Variants in UBE3B observed in about 807,000 individuals in gnomAD.
The protein encoded by UBE3B is ubiquitin-protein ligase E3B.
In UBE3B, 80 loss-of-function variants were observed where a neutral mutation model predicts 132.3. The observed-to-expected ratio is 0.60, with a 90% CI of 0.50 to 0.73. The LOEUF is 0.73. Among genes scored for constraint, UBE3B ranks in the 30% least tolerant of loss-of-function variants. The pLI is 0.00. For missense variants in UBE3B, 1,196 were observed against 1,362.5 expected (o/e 0.88, Z 1.92); for synonymous variants, 487 against 520.4 (o/e 0.94, Z 0.87).
At position 109,499,624 on chromosome 12, in the gene UBE3B, T is replaced by C; in HGVS notation, c.941-9T>C. 6.3e-7 allele frequency: 1 copy of C among 1,579,174 alleles called. No homozygotes were observed. The highest frequency in any genetic ancestry group is 8.6e-7 in the Non-Finnish European group (1 of 1,161,126). On this transcript the variant is annotated splice_polypyrimidine_tract_variant and intron_variant, in intron 11 of 27. Coordinates refer to ENST00000342494, the MANE Select transcript of UBE3B (RefSeq NM_130466.4). ...TGGGCCCATCACACTCAGCCTTCTC[T>C]CTCTGTAGGCAACCTCCTACACTTG... is the stretch of plus-strand genomic sequence containing the variant.
intron 18 of UBE3B, among the ~76,000 whole-genome samples, chr12:109,512,075 G>A (rs1361006083): frequency 1.3e-5 from 2 of 152,110 alleles, no homozygotes; most frequent in Non-Finnish European, 2.9e-5. Context: ...GTTCAGCATC[G>A]AGCAGGTAGG....
At chr12:109,508,184 A>G (rs946644742) in intron 15 of UBE3B, among the ~76,000 whole-genome samples, 4 of 152,220 alleles carry the variant, frequency 2.6e-5, no homozygotes, top group Admixed American at 6.5e-5. Flanking sequence ...TGACAATAGC[A>G]CATACCTTTT....
rs1477875145 is a variant in UBE3B, at chr12:109,497,867, A to C, written c.763A>C (p.Ile255Leu). The C allele has an allele frequency of 6.2e-7, 1 of 1,614,202 alleles. No homozygotes were observed. Among genetic ancestry groups the C allele is most frequent in the Non-Finnish European group, 8.5e-7 (1 of 1,180,034 alleles). ...FSDNLIRPFL[I>L]HIMSVPALVT... ...AGACAATCTGATTCGGCCGTTCCTC[A>C]TCCACATCATGTCTGTGCCTGCTCT... The change falls in exon 10 of 28, where the codon ATC becomes CTC. Residue 255 changes from isoleucine to leucine, a missense_variant. Ile to Leu is a conservative substitution (Grantham distance 5). Transcript: ENST00000342494.
chr12:109,501,420 G>A lies in UBE3B; in HGVS notation c.1168G>A (p.Gly390Arg), dbSNP rs780309495. 2 of 1,614,166 alleles carry A rather than the reference G, an allele frequency of 1.2e-6. No homozygotes were observed. Among genetic ancestry groups the A allele is most frequent in the African/African-American group, 1.3e-5 (1 of 75,022 alleles). Residue 390 changes from glycine (G) to arginine (R), a missense_variant, in exon 13 of 28, where the codon GGG becomes AGG. Transcript: ENST00000342494. ...LITKQLQFLW[G>R]VPLIRIFFCD... is the part of the protein sequence containing the mutation. The stretch of plus-strand genomic sequence containing the variant: ...CACCAAACAGCTGCAGTTCTTGTGG[G>A]GGGTGCCTCTGATCCGGATCTTCTT...
intron 2 of UBE3B, among the ~76,000 whole-genome samples, chr12:109,482,056 G>A (rs1412196268): frequency 6.6e-6 from 1 of 151,708 alleles, no homozygotes; most frequent in Non-Finnish European, 1.5e-5. Context: ...GTTATAAAAG[G>A]GTATTATTTT....
chr12:109,526,506 A>T, intron 24 of UBE3B, 90 bp downstream of exon 24: 1 of 1,347,648 alleles, frequency 7.4e-7, no homozygotes, highest in Non-Finnish European at 1.1e-6. Flanking sequence ...ATTAAGATAG[A>T]TTGAAGTAGA....
At chr12:109,498,465 C>T in intron 11 of UBE3B, 112 bp downstream of exon 11, 1 of 1,273,722 alleles carries the variant, frequency 7.9e-7, no homozygotes, top group Non-Finnish European at 1.1e-6. Flanking sequence ...ATTGGAAGTG[C>T]TTACAATAAA....
Position 109,534,541 on chromosome 12 carries a change from G to A in UBE3B, c.3016-50G>A, listed in dbSNP as rs529784491. On this transcript the variant is annotated intron_variant, in intron 27 of 27. Transcript: ENST00000342494. The surrounding 1 kb of genome is among the most constrained non-coding windows in gnomAD (Gnocchi z 5.2). ...CTCCCTGGCCTTGGCATCAGCCTGG[G>A]CTCCCAAACTAGGCCCTTCCCAATT... The A allele has an allele frequency of 1.5e-5, 23 of 1,554,458 alleles. No individual in the cohort carries two copies. The African/African-American group carries it at 3.2e-4, about 21-fold the overall frequency.
chr12:109,507,474 T>A, intron 14 of UBE3B, 90 bp from the exon 15 acceptor site: 1 of 1,387,726 alleles, frequency 7.2e-7, no homozygotes, highest in Non-Finnish European at 9.9e-7. Context: ...ATGGATAGGT[T>A]TAAGTGTTTT....
the UBE3B span, among the ~76,000 whole-genome samples, chr12:109,545,483 T>A: frequency 6.6e-6 from 1 of 152,200 alleles, no homozygotes; most frequent in South Asian, 2.1e-4. Flanking sequence ...TGGCATCTAG[T>A]GCTGTGCTAT....
chr12:109,528,513 T>C, intron 24 of UBE3B: 1 of 984,776 alleles, frequency 1.0e-6, no homozygotes, highest in Non-Finnish European at 1.2e-6. Flanking sequence ...TGATTTGGAA[T>C]TGGTGAGAGT....
At chr12:109,538,657 G>A (rs1010446217), downstream of UBE3B, among the ~76,000 whole-genome samples, 4 of 152,322 alleles carry the variant, frequency 2.6e-5, no homozygotes, top group Middle Eastern at 3.4e-3. The surrounding 1 kb of genome is among the most constrained non-coding windows in gnomAD (Gnocchi z 4.1). Context: ...GATCAGGCTC[G>A]GATTAAGCTT....
chr12:109,534,419 TCG>T lies in UBE3B; in HGVS notation c.3016-171_3016-170del. On this transcript the variant is annotated intron_variant, in intron 27 of 27. Coordinates refer to ENST00000342494, the MANE Select transcript of UBE3B (RefSeq NM_130466.4). The surrounding 1 kb of genome is among the most constrained non-coding windows in gnomAD (Gnocchi z 5.2). ...AAGGGGTTCCTTCTCTGGAAGCCAG[TCG>T]TCTTGTGTCTGGGGCTTGACCTCGG... 9 of 1,417,584 alleles carry T rather than the reference TCG, an allele frequency of 6.3e-6. No individual in the cohort carries two copies. Among genetic ancestry groups the T allele is most frequent in the Non-Finnish European group, 8.3e-6 (9 of 1,089,716 alleles). The allele number at this position is 1,417,584 out of a possible 1,614,324, so 87.8% of individuals were successfully genotyped here. A position where few individuals can be genotyped will look rare whatever the true frequency, so the allele number is the denominator to read the frequency against.
At chr12:109,508,587 G>C in intron 15 of UBE3B, 1 of 985,560 alleles carries the variant, frequency 1.0e-6, no homozygotes, top group Non-Finnish European at 1.2e-6. Flanking sequence ...CAGGCTGGAA[G>C]ACTTTAGCCG....
chr12:109,488,427 C>T, intron 6 of UBE3B, 145 bp from the exon 7 acceptor site: 1 of 754,064 alleles, frequency 1.3e-6, no homozygotes, highest in East Asian at 2.5e-5. Flanking sequence ...TGGTCATTGC[C>T]CAAGAGAAAA....
chr12:109,534,492 G>T lies in UBE3B; in HGVS notation c.3016-99G>T. On this transcript the variant is annotated intron_variant, in intron 27 of 27. Coordinates refer to ENST00000342494, the MANE Select transcript of UBE3B (RefSeq NM_130466.4). This position sits in a 1 kb window ranked among gnomAD's most constrained non-coding sequence, Gnocchi z 5.2. ...CCCTGCACTCTGCCCAGCATCCAGG[G>T]ACTGGCCAGATCCCCTCCCTGGGCT... The T allele has an allele frequency of 6.7e-7, 1 of 1,501,470 alleles. No individual in the cohort carries two copies. The highest frequency in any genetic ancestry group is 1.4e-5 in the South Asian group (1 of 73,674). The allele number at this position is 1,501,470 out of a possible 1,614,324, so 93.0% of individuals were successfully genotyped here. A position where few individuals can be genotyped will look rare whatever the true frequency, so the allele number is the denominator to read the frequency against.
chr12:109,501,656 C>T (rs946858323), intron 13 of UBE3B, 122 bp downstream of exon 13: 5 of 1,233,530 alleles, frequency 4.1e-6, no homozygotes, highest in South Asian at 3.1e-5. Flanking sequence ...TTGTTGTTAT[C>T]GTTCTTGTTG....
In UBE3B at chr12:109,506,509, C is replaced by T. The variant is rs149514611; in HGVS notation, c.1451-1055C>T. Reference sequence around the variant, plus strand: ...GATTACAGGTGCTGGCCACCACGCCCGGCTGATTTTGTATTTTTTAGTAGA... The same window carrying T: ...GATTACAGGTGCTGGCCACCACGCCTGGCTGATTTTGTATTTTTTAGTAGA... On this transcript the variant is annotated intron_variant, in intron 14 of 27. Transcript: ENST00000342494. 2.9e-3 allele frequency among the ~76,000 whole-genome samples: 448 copies of T among 152,236 alleles called. 10 individuals are homozygous for T. The highest frequency in any genetic ancestry group is 0.01 in the African/African-American group (426 of 41,532).
chr12:109,509,488 A>G, intron 15 of UBE3B, 108 bp from the exon 16 acceptor site: 1 of 682,752 alleles, frequency 1.5e-6, no homozygotes, highest in Non-Finnish European at 2.5e-6. Flanking sequence ...TCTCTACAAG[A>G]TAAAGCTTAT....
Sources: gnomAD v4.1 joint callset for allele counts (sites outside exome capture counted in the v4.1 genomes callset) on GRCh38, gnomAD v4.1.1 for gene constraint, Gnocchi (gnomAD v3.1) non-coding constraint, MANE v1.5 for transcripts, NCBI Gene and HGNC (gene_info 2026-07-23, HGNC 2026-07-21) for gene names.